BIRC7: variants seen among roughly 807,000 people sequenced by gnomAD.
The protein encoded by BIRC7 is baculoviral IAP repeat containing 7, also known as baculoviral IAP repeat-containing protein 7.
A neutral mutation model predicts 33.2 loss-of-function variants in BIRC7; 26 were observed. The observed-to-expected ratio is 0.78, with a 90% CI of 0.57 to 1.09. The LOEUF (loss-of-function observed/expected upper bound fraction) is 1.09, where lower values mean the gene tolerates loss of function less well. Ranked by LOEUF, BIRC7 falls within the 50% of genes least tolerant of loss-of-function variation. The pLI is 0.00. For missense variants in BIRC7, 409 were observed against 401.2 expected (o/e 1.02, Z -0.17); for synonymous variants, 176 against 171.0 (o/e 1.03, Z -0.23).
intron 6 of BIRC7, 106 bp downstream of exon 6, chr20:63,239,716 G>A (rs539991526): frequency 1.1e-5 from 16 of 1,398,742 alleles, no homozygotes; most frequent in African/African-American, 2.9e-5. Flanking sequence ...GGGTGGCAGC[G>A]TCAGCTTGTT....
chr20:63,238,739 G>A (rs561855028), intron 4 of BIRC7, 125 bp downstream of exon 4: 18 of 1,360,010 alleles, frequency 1.3e-5, no homozygotes, highest in African/African-American at 1.0e-4. Flanking sequence ...AGGGTGTGAC[G>A]CTGCTGCCTG....
At chr20:63,238,947 T>C (rs553213091) in intron 4 of BIRC7, 36 of 639,570 alleles carry the variant, frequency 5.6e-5, no homozygotes, top group Admixed American at 3.5e-4. Context: ...GCAGAGGGCA[T>C]TGGACAAGGG....
rs746554732 is a variant in BIRC7 at position 63,238,028 on chromosome 20, G to T, written c.449+26G>T. ...GTACCGGCTGCCCCTGCGGGGCCCC[G>T]GGTCTGATCATGGGTAGGGGGTGGG... On this transcript the variant is annotated intron_variant, in intron 2 of 6. Coordinates refer to ENST00000217169, the MANE Select transcript of BIRC7 (RefSeq NM_139317.3). The T allele has an allele frequency of 3.2e-6, 5 of 1,554,434 alleles. No individual in the cohort carries two copies. In the African/African-American group the frequency reaches 4.1e-5, roughly 13 times the overall value.
chr20:63,239,053 C>T, intron 4 of BIRC7, 109 bp from the exon 5 acceptor site: 1 of 1,120,382 alleles, frequency 8.9e-7, no homozygotes, highest in East Asian at 2.4e-5. Context: ...ACTCTGCAGC[C>T]CCTCCACTCC....
At chr20:63,238,033 T>C (rs1322048026) in intron 2 of BIRC7, 31 bp downstream of exon 2, 3 of 1,538,420 alleles carry the variant, frequency 2.0e-6, no homozygotes, top group Non-Finnish European at 2.6e-6. Context: ...GCCCCGGGTC[T>C]GATCATGGGT....
In BIRC7 at chr20:63,236,083, C is replaced by T. The variant is rs1399938208; in HGVS notation, c.-14C>T. The T allele has an allele frequency of 2.0e-6, 3 of 1,518,620 alleles. No homozygotes were observed. The highest frequency in any genetic ancestry group is 1.8e-6 in the Non-Finnish European group (2 of 1,122,996). 94.1% of individuals were successfully genotyped at this position (1,518,620 alleles called of 1,614,324 possible). A position where few individuals can be genotyped will look rare whatever the true frequency, so the allele number is the denominator to read the frequency against. ...ATTTCTGCTGCAAACCTGGTCAGAG[C>T]CAGTGTTCCCTCCATGGGACCTAAA... On this transcript the variant is annotated 5_prime_UTR_variant, in exon 1 of 7. Transcript: ENST00000217169.
rs778704742 is a variant in BIRC7, at chr20:63,239,617, G to A, written c.*5+7G>A. On this transcript the variant is annotated splice_region_variant and intron_variant, in intron 6 of 6. Coordinates refer to ENST00000217169, the MANE Select transcript of BIRC7 (RefSeq NM_139317.3). ...CCTTCCTGTCCTAGGCCAGGTGAGC[G>A]CCCCAGCACCACGCGCAGCCAGCCC... is the stretch of plus-strand genomic sequence containing the variant. 37 of 1,583,688 alleles carry A rather than the reference G, an allele frequency of 2.3e-5. No individual in the cohort carries two copies. The highest frequency in any genetic ancestry group is 2.0e-4 in the East Asian group (9 of 44,260).
At chr20:63,237,868 G>T in intron 1 of BIRC7, 35 bp from the exon 2 acceptor site, 1 of 1,563,368 alleles carries the variant, frequency 6.4e-7, no homozygotes, top group South Asian at 1.2e-5. Flanking sequence ...GACTGGGTGG[G>T]ACTTGGCTGG....
chr20:63,239,715 C>T (rs2066721964), intron 6 of BIRC7, 105 bp downstream of exon 6: 2 of 1,399,632 alleles, frequency 1.4e-6, no homozygotes, highest in Non-Finnish European at 1.9e-6. Context: ...CGGGTGGCAG[C>T]GTCAGCTTGT....
At position 63,236,015 on chromosome 20, in the gene BIRC7, G is replaced by A. The variant is rs555858994; in HGVS notation, c.-82G>A. ...TGGGCCCCGGGGGTCAGGAGCTCCA[G>A]AAGGGCCAGCTGGGCATATTCTGAG... On this transcript the variant is annotated 5_prime_UTR_variant, in exon 1 of 7. Transcript: ENST00000217169. 6 of 1,450,652 alleles carry A rather than the reference G, an allele frequency of 4.1e-6. No homozygotes were observed. In the African/African-American group the frequency reaches 7.1e-5, roughly 17 times the overall value. The allele number at this position is 1,450,652 out of a possible 1,614,324, so 89.9% of individuals were successfully genotyped here.
At chr20:63,236,506 A>G in intron 1 of BIRC7, 61 bp downstream of exon 1, 1 of 1,482,256 alleles carries the variant, frequency 6.7e-7, no homozygotes, top group Non-Finnish European at 8.9e-7. Flanking sequence ...GGACCCTTCC[A>G]GCCCAGGGCT....
chr20:63,237,008 G>C (rs1465963491), intron 1 of BIRC7, among the ~76,000 whole-genome samples: 1 of 152,242 alleles, frequency 6.6e-6, no homozygotes, highest in African/African-American at 2.4e-5. Flanking sequence ...CCCTACAGCT[G>C]CAGACCATGT....
Position 63,236,324 on chromosome 20 carries a change from CA to C in BIRC7, c.229del (p.Arg77GlyfsTer23), listed in dbSNP as rs771175273. 4 of 1,607,184 alleles carry C rather than the reference CA, an allele frequency of 2.5e-6. No individual in the cohort carries two copies. In the South Asian group the frequency reaches 4.4e-5, roughly 18 times the overall value. ...EEEGAGATLSRGPAFPGMGSE... is the reference protein window; with the variant it reads ...EEEGAGATLSXGPAFPGMGSE... Reference sequence around the variant, plus strand: ...AGGAGGGCGCCGGGGCCACCTTGTCCAGGGGGCCTGCCTTCCCCGGCATGGG... The same window carrying C: ...AGGAGGGCGCCGGGGCCACCTTGTCCGGGGGCCTGCCTTCCCCGGCATGGG... On this transcript the variant is annotated frameshift_variant, in exon 1 of 7. Transcript: ENST00000217169. LOFTEE classifies it high-confidence loss of function.
At chr20:63,238,927 G>C (rs1275646378) in intron 4 of BIRC7, 1 of 628,278 alleles carries the variant, frequency 1.6e-6, no homozygotes, top group African/African-American at 1.8e-5. Flanking sequence ...CTGCCAGATG[G>C]GCAGGATGTG....
rs769686006 is a variant in BIRC7 at position 63,236,363 on chromosome 20, G to C, written c.267G>C (p.Leu89Phe). 3 of 1,592,670 alleles carry C rather than the reference G, an allele frequency of 1.9e-6. No homozygotes were observed. The highest frequency in any genetic ancestry group is 2.6e-6 in the Non-Finnish European group (3 of 1,167,172). Reference protein sequence around the residue: ...PAFPGMGSEELRLASFYDWPL... With the variant: ...PAFPGMGSEEFRLASFYDWPL... ...TCCCCGGCATGGGCTCTGAGGAGTT[G>C]CGTCTGGCCTCCTTCTATGACTGGC... Residue 89 changes from leucine (L) to phenylalanine (F), a missense_variant, in exon 1 of 7, where the codon TTG becomes TTC. Coordinates refer to ENST00000217169, the MANE Select transcript of BIRC7 (RefSeq NM_139317.3).
chr20:63,240,286 T>G lies in BIRC7; in HGVS notation c.*36T>G, dbSNP rs2066728045. 1.3e-5 allele frequency: 2 copies of G among 151,466 alleles called. No homozygotes were observed. Among genetic ancestry groups the G allele is most frequent in the African/African-American group, 2.5e-5 (1 of 40,086 alleles). The allele number at this position is 151,466 out of a possible 1,614,324, so 9.4% of individuals were successfully genotyped here. A position where few individuals can be genotyped will look rare whatever the true frequency, so the allele number is the denominator to read the frequency against. Reference sequence around the variant, plus strand: ...ATGGCCGGCCAGGTGGGCTGCAGAGTGGGCTCCCTGCCCCTCTCTGCCTGT... The same window carrying G: ...ATGGCCGGCCAGGTGGGCTGCAGAGGGGGCTCCCTGCCCCTCTCTGCCTGT... On this transcript the variant is annotated 3_prime_UTR_variant, in exon 7 of 7. Coordinates refer to ENST00000217169, the MANE Select transcript of BIRC7 (RefSeq NM_139317.3).
intron 2 of BIRC7, 52 bp from the exon 3 acceptor site, chr20:63,238,344 A>G (rs1311083946): frequency 1.2e-6 from 2 of 1,601,550 alleles, no homozygotes; most frequent in Non-Finnish European, 1.7e-6. Context: ...AAGGGCTTGA[A>G]GCAGACAGTG....
chr20:63,237,423 G>A (rs1024773993), intron 1 of BIRC7, among the ~76,000 whole-genome samples: 3 of 152,162 alleles, frequency 2.0e-5, no homozygotes, highest in Non-Finnish European at 2.9e-5. Context: ...GTCGCCAGGA[G>A]GTAGAGAGAT....
chr20:63,238,070 C>A, intron 2 of BIRC7, 68 bp downstream of exon 2: 1 of 1,363,918 alleles, frequency 7.3e-7, no homozygotes, highest in South Asian at 1.4e-5. Flanking sequence ...ACGGCTCTGT[C>A]GACCCAACAC....
Sources: allele counts gnomAD v4.1 joint callset (sites outside exome capture counted in the v4.1 genomes callset), GRCh38; gene constraint gnomAD v4.1.1; transcripts MANE v1.5; gene names NCBI Gene and HGNC (gene_info 2026-07-23, HGNC 2026-07-21).